NCALD: variants seen among roughly 807,000 people sequenced by gnomAD.
NCALD encodes neurocalcin-delta.
Under a neutral mutation model 18.6 loss-of-function variants are expected in NCALD, and 10 were observed. That is an observed-to-expected ratio of 0.54 (90% CI 0.33 to 0.91). NCALD has a LOEUF of 0.91. NCALD is among the 40% of genes least tolerant of loss of function. NCALD has a pLI of 0.03. For synonymous variants in NCALD, 88 were observed against 87.4 expected (o/e 1.01, Z -0.04); for missense variants, 184 against 247.6 (o/e 0.74, Z 1.72).
intron 4 of NCALD, among the ~76,000 whole-genome samples, chr8:101,831,973 T>C (rs1169546115): frequency 6.6e-6 from 1 of 152,148 alleles, no homozygotes; most frequent in East Asian, 1.9e-4. Context: ...ACATTCTCCT[T>C]TGTGTTTTGC....
chr8:102,088,973 T>C (rs1391885049), intron 1 of NCALD, among the ~76,000 whole-genome samples: 1 of 152,210 alleles, frequency 6.6e-6, no homozygotes, highest in African/African-American at 2.4e-5. Context: ...CAGAATCTGA[T>C]ATAAAACTGG....
intron 1 of NCALD, among the ~76,000 whole-genome samples, chr8:101,748,675 A>T (rs1401636524): frequency 6.6e-6 from 1 of 152,240 alleles, no homozygotes; most frequent in Non-Finnish European, 1.5e-5. Flanking sequence ...TCTTACCATC[A>T]TCCTTATTTT....
chr8:102,030,568 T>C (rs1004108304), intron 1 of NCALD, among the ~76,000 whole-genome samples: 2 of 152,206 alleles, frequency 1.3e-5, no homozygotes, highest in Admixed American at 1.3e-4. Flanking sequence ...CTGTATGAAC[T>C]ACATCACTGG....
At chr8:102,087,638 T>C (rs576467335) in intron 1 of NCALD, among the ~76,000 whole-genome samples, 17 of 152,142 alleles carry the variant, frequency 1.1e-4, no homozygotes, top group Non-Finnish European at 7.3e-5. Context: ...TTTGGCACTA[T>C]GGGATGTTAA....
At chr8:101,868,971 G>A (rs555026750) in intron 4 of NCALD, among the ~76,000 whole-genome samples, 95 of 152,328 alleles carry the variant, frequency 6.2e-4, no homozygotes, top group East Asian at 1.7e-3. Context: ...CCCTCTGCTG[G>A]TAACAGAGCC....
At chr8:101,955,213 C>T (rs1819577972) in intron 2 of NCALD, among the ~76,000 whole-genome samples, 2 of 152,142 alleles carry the variant, frequency 1.3e-5, no homozygotes, top group South Asian at 4.1e-4. Flanking sequence ...AGGGATAGAA[C>T]AATAAGTCCC....
chr8:101,700,621 T>A (rs942278744), intron 2 of NCALD, among the ~76,000 whole-genome samples: 4 of 152,156 alleles, frequency 2.6e-5, no homozygotes, highest in Non-Finnish European at 5.9e-5. Flanking sequence ...GGGATTCTGA[T>A]GAAAAATCAA....
chr8:101,815,388 G>T (rs1459568455), intron 4 of NCALD, among the ~76,000 whole-genome samples: 1 of 152,038 alleles, frequency 6.6e-6, no homozygotes, highest in African/African-American at 2.4e-5. Context: ...TCAACAAATG[G>T]TGCTAGAACA....
chr8:101,903,197 ATTT>A (rs5893589), intron 3 of NCALD, among the ~76,000 whole-genome samples: 9 of 141,014 alleles, frequency 6.4e-5, no homozygotes, highest in Admixed American at 1.4e-4. Flanking sequence ...ACTTTTAGGA[ATTT>A]TTTTTTTTTT....
intron 4 of NCALD, among the ~76,000 whole-genome samples, chr8:101,868,204 T>C (rs546543735): frequency 1.3e-5 from 2 of 152,244 alleles, no homozygotes; most frequent in African/African-American, 4.8e-5. Context: ...TCTGGGCCTC[T>C]AGACTTAGAG....
intron 4 of NCALD, among the ~76,000 whole-genome samples, chr8:101,833,732 G>GA (rs1002272914): frequency 1.8e-4 from 26 of 142,176 alleles, no homozygotes; most frequent in Non-Finnish European, 3.0e-4. Flanking sequence ...TATCCAAACT[G>GA]AAAAAAAAGA....
chr8:101,882,852 T>C (rs1045215888), intron 4 of NCALD, among the ~76,000 whole-genome samples: 4 of 152,322 alleles, frequency 2.6e-5, no homozygotes, highest in African/African-American at 9.6e-5. Flanking sequence ...ACAGGCACAG[T>C]TGAAAACCTC....
intron 4 of NCALD, among the ~76,000 whole-genome samples, chr8:101,874,402 G>A (rs1039376684): frequency 2.0e-5 from 3 of 152,108 alleles, no homozygotes; most frequent in Non-Finnish European, 2.9e-5. Flanking sequence ...ACGATAATAG[G>A]ATCCACACTG....
intron 2 of NCALD, among the ~76,000 whole-genome samples, chr8:101,999,205 T>C (rs1821353313): frequency 6.6e-6 from 1 of 151,374 alleles, no homozygotes; most frequent in South Asian, 2.1e-4. Context: ...CTTGCACACA[T>C]ATGTTTATAC....
intron 2 of NCALD, among the ~76,000 whole-genome samples, chr8:101,946,124 G>A (rs1416304158): frequency 2.6e-5 from 4 of 152,124 alleles, no homozygotes; most frequent in Non-Finnish European, 5.9e-5. Context: ...TCCGTCTTCA[G>A]TTTGCCTTCT....
intron 2 of NCALD, among the ~76,000 whole-genome samples, chr8:101,695,770 AG>A (rs1240177543): frequency 6.6e-6 from 1 of 152,070 alleles, no homozygotes. Flanking sequence ...TTTAGATGTG[AG>A]GGTAGCAGTC....
intron 4 of NCALD, among the ~76,000 whole-genome samples, chr8:101,860,537 G>A (rs1815497596): frequency 1.3e-5 from 2 of 152,180 alleles, no homozygotes; most frequent in Admixed American, 1.3e-4. Context: ...TGGAGCTGTA[G>A]CCATTGGCAA....
chr8:101,906,796 T>C (rs992122508), intron 3 of NCALD, among the ~76,000 whole-genome samples: 1 of 152,164 alleles, frequency 6.6e-6, no homozygotes, highest in African/African-American at 2.4e-5. Flanking sequence ...CTGGTGGACA[T>C]CACCCCAGAG....
At chr8:102,086,000 C>G (rs1384287978) in intron 1 of NCALD, among the ~76,000 whole-genome samples, 1 of 152,066 alleles carries the variant, frequency 6.6e-6, no homozygotes, top group Non-Finnish European at 1.5e-5. Context: ...TTTTTCCTGA[C>G]ATTTTTGCAG....
Sources: allele counts gnomAD v4.1 joint callset (sites outside exome capture counted in the v4.1 genomes callset), GRCh38; gene constraint gnomAD v4.1.1; transcripts MANE v1.5; gene names NCBI Gene and HGNC (gene_info 2026-07-23, HGNC 2026-07-21).